The following PXDNL variants were observed in gnomAD, a reference collection of about 807,000 sequenced individuals.
The protein encoded by PXDNL is probable oxidoreductase PXDNL.
PXDNL carries 145 observed loss-of-function variants against 150.8 expected under a neutral mutation model. The ratio of observed to expected loss-of-function variants is 0.96; its 90% confidence interval spans 0.84 to 1.10. PXDNL has a LOEUF of 1.10. Among genes scored for constraint, PXDNL ranks in the 50% least tolerant of loss-of-function variants. PXDNL has a pLI of 0.00. For synonymous variants in PXDNL, 757 were observed against 725.7 expected (o/e 1.04, Z -0.69); for missense variants, 2,087 against 1,873.9 (o/e 1.11, Z -2.10).
intron 3 of PXDNL, among the ~76,000 whole-genome samples, chr8:51,566,314 G>A (rs1402086142): frequency 6.6e-6 from 1 of 151,626 alleles, no homozygotes; most frequent in African/African-American, 2.4e-5. Flanking sequence ...ATTAAAGTTA[G>A]GAAGTATTCC....
intron 1 of PXDNL, among the ~76,000 whole-genome samples, chr8:51,735,544 T>TGTTTG (rs1563304315): frequency 2.1e-5 from 1 of 47,756 alleles, no homozygotes; most frequent in African/African-American, 6.5e-5. Context: ...TTTTTTTTTT[T>TGTTTG]TTTTTTTTTT....
chr8:51,323,754 A>G (rs1805395030), intron 21 of PXDNL, among the ~76,000 whole-genome samples: 1 of 151,844 alleles, frequency 6.6e-6, no homozygotes, highest in African/African-American at 2.4e-5. Context: ...TCTCTACTAA[A>G]TATACAAGAA....
intron 1 of PXDNL, among the ~76,000 whole-genome samples, chr8:51,744,230 GAAAGAAAGAAAAGAGAGGA>G (rs2036948155): frequency 7.6e-6 from 1 of 130,806 alleles, no homozygotes; most frequent in Non-Finnish European, 1.6e-5. Flanking sequence ...GGGAAGAAGA[GAAAGAAAGAAAAGAGAGGA>G]AAAGAAAGAA....
intron 3 of PXDNL, among the ~76,000 whole-genome samples, chr8:51,563,016 C>T (rs1812748302): frequency 6.6e-6 from 1 of 151,758 alleles, no homozygotes; most frequent in Non-Finnish European, 1.5e-5. Context: ...ATAGAGTAGC[C>T]CCAGATGTCA....
chr8:51,612,033 C>G (rs866189102), intron 2 of PXDNL, among the ~76,000 whole-genome samples: 1 of 152,228 alleles, frequency 6.6e-6, no homozygotes, highest in Non-Finnish European at 1.5e-5. Context: ...CTTGAAAGCA[C>G]TGGGGACTCA....
intron 1 of PXDNL, among the ~76,000 whole-genome samples, chr8:51,719,286 T>C (rs35326600): frequency 0.15 from 23,139 of 152,200 alleles, 2,135 homozygotes; most frequent in Non-Finnish European, 0.21. Context: ...CTCCATTTTG[T>C]TCTGTACTAA....
rs137992622 is a variant in PXDNL at position 51,653,342 on chromosome 8, C to T, written c.236+1347G>A. Among the ~76,000 whole-genome samples, 645 of 152,140 alleles carry T rather than the reference C, an allele frequency of 4.2e-3. 42 individuals are homozygous for T. The East Asian group carries it at 0.11, about 25-fold the overall frequency. The stretch of plus-strand genomic sequence containing the variant: ...CTGAGGCAGGAGAATTGCTTGAACC[C>T]GGGAGGCACAGGTTGCAGTGAGCCG... On this transcript the variant is annotated intron_variant, in intron 2 of 22. Transcript: ENST00000356297.
chr8:51,367,168 A>G (rs1251885397), intron 19 of PXDNL, among the ~76,000 whole-genome samples: 6 of 151,412 alleles, frequency 4.0e-5, no homozygotes, highest in Non-Finnish European at 7.4e-5. Flanking sequence ...TGCTGGGTAA[A>G]TGATGAAACC....
chr8:51,529,449 T>C (rs1811842147), intron 4 of PXDNL, among the ~76,000 whole-genome samples: 2 of 152,224 alleles, frequency 1.3e-5, no homozygotes, highest in Non-Finnish European at 2.9e-5. Context: ...GTATTGCTTG[T>C]TGGGCTCTGG....
intron 1 of PXDNL, among the ~76,000 whole-genome samples, chr8:51,778,899 C>T (rs2037383648): frequency 6.6e-6 from 1 of 152,178 alleles, no homozygotes; most frequent in Admixed American, 6.5e-5. Context: ...CTAAAGAACA[C>T]ACTGAATTTT....
intron 1 of PXDNL, among the ~76,000 whole-genome samples, chr8:51,665,572 T>A (rs923668924): frequency 6.6e-6 from 1 of 152,138 alleles, no homozygotes; most frequent in African/African-American, 2.4e-5. Context: ...ATATGCAAAA[T>A]AAAGCATAAA....
At chr8:51,763,043 A>G (rs71513547) in intron 1 of PXDNL, among the ~76,000 whole-genome samples, 9,028 of 152,224 alleles carry the variant, frequency 0.059, 373 homozygotes, top group Non-Finnish European at 0.087. Flanking sequence ...TAAGTTTAGA[A>G]TATTTCCAAC....
chr8:51,597,515 T>G (rs1347438245), intron 2 of PXDNL, among the ~76,000 whole-genome samples: 1 of 152,182 alleles, frequency 6.6e-6, no homozygotes, highest in East Asian at 1.9e-4. Flanking sequence ...TTAGCGGATA[T>G]TGATTCTTCC....
intron 17 of PXDNL, 124 bp from the exon 18 acceptor site, chr8:51,374,855 C>A: frequency 3.5e-6 from 4 of 1,147,252 alleles, no homozygotes; most frequent in Non-Finnish European, 4.9e-6. Flanking sequence ...GATATGATTA[C>A]TGTATTCTCA....
intron 8 of PXDNL, among the ~76,000 whole-genome samples, chr8:51,458,347 A>T (rs2130003807): frequency 6.6e-6 from 1 of 152,332 alleles, no homozygotes; most frequent in East Asian, 1.9e-4. Context: ...TGCATGAGTT[A>T]TTTTTAACAA....
In PXDNL at chr8:51,476,116, C is replaced by CAAAT. The variant is rs1235609241; in HGVS notation, c.525-976_525-975insATTT. 1.8e-3 allele frequency among the ~76,000 whole-genome samples: 267 copies of CAAAT among 152,010 alleles called. 1 individual carries two copies. The highest frequency in any genetic ancestry group is 6.1e-3 in the African/African-American group (254 of 41,446). The stretch of plus-strand genomic sequence containing the variant: ...TGTCCCAAAAGCAAAAACAAACAAA[C>CAAAT]AAAAAAGCTGTAAGCACTGAAGTGT... On this transcript the variant is annotated intron_variant, in intron 6 of 22. Coordinates refer to ENST00000356297, the MANE Select transcript of PXDNL (RefSeq NM_144651.5).
chr8:51,522,627 T>C (rs1392247683), intron 4 of PXDNL, among the ~76,000 whole-genome samples: 2 of 152,158 alleles, frequency 1.3e-5, no homozygotes, highest in Non-Finnish European at 2.9e-5. Context: ...GTGGATCACC[T>C]GAGGTCAGGA....
intron 1 of PXDNL, among the ~76,000 whole-genome samples, chr8:51,666,686 C>T (rs1187728445): frequency 6.6e-6 from 1 of 152,078 alleles, no homozygotes; most frequent in Non-Finnish European, 1.5e-5. Context: ...AGGAGCCACC[C>T]ATTCTTTCTG....
At chr8:51,714,619 A>G (rs1354591458) in intron 1 of PXDNL, among the ~76,000 whole-genome samples, 1 of 152,214 alleles carries the variant, frequency 6.6e-6, no homozygotes, top group South Asian at 2.1e-4. Flanking sequence ...AAGAAGGTAT[A>G]ACATTTTCAC....
Sources: gnomAD v4.1 joint callset for allele counts (sites outside exome capture counted in the v4.1 genomes callset) on GRCh38, gnomAD v4.1.1 for gene constraint, MANE v1.5 for transcripts, NCBI Gene and HGNC (gene_info 2026-07-23, HGNC 2026-07-21) for gene names.